Variants in PCDH9 observed in about 807,000 individuals in gnomAD.
PCDH9 encodes protocadherin 9.
In PCDH9, 24 loss-of-function variants were observed where a neutral mutation model predicts 70.6. The ratio of observed to expected loss-of-function variants is 0.34; its 90% CI spans 0.25 to 0.48. The LOEUF (loss-of-function observed/expected upper bound fraction) is 0.48. PCDH9 is among the 20% of genes least tolerant of loss of function. The pLI, the probability that PCDH9 is intolerant of heterozygous loss-of-function variation, is 0.99. For missense variants in PCDH9, 1,281 were observed against 1,503.6 expected, an observed-to-expected ratio of 0.85 and a Z score of 2.45; for synonymous variants, 562 against 558.5, an observed-to-expected ratio of 1.01 and a Z score of -0.09.
rs1251682298 is a variant in PCDH9 at position 67,171,940 on chromosome 13, T to C, written c.3036+53465A>G. ...GAGGTATCTGCCTTACATCGCCTGC[T>C]CTCAAAGATGTGAAAGTATTCAAAA... On this transcript the variant is annotated intron_variant, in intron 2 of 4. Transcript: ENST00000377865. Among the ~76,000 whole-genome samples, 6 of 152,176 alleles carry C rather than the reference T, an allele frequency of 3.9e-5. No individual in the cohort carries two copies. The East Asian group carries it at 7.7e-4, about 20-fold the overall frequency.
At chr13:66,633,428 T>C (rs140462426) in intron 3 of PCDH9, among the ~76,000 whole-genome samples, 1 of 152,318 alleles carries the variant, frequency 6.6e-6, no homozygotes, top group Admixed American at 6.5e-5. Context: ...TACTCTCTTA[T>C]ATATATTTAA....
intron 2 of PCDH9, among the ~76,000 whole-genome samples, chr13:66,945,674 T>G (rs1052558761): frequency 2.6e-5 from 4 of 152,168 alleles, no homozygotes; most frequent in African/African-American, 4.8e-5. Flanking sequence ...TATTGTTGTA[T>G]TTGGACTCTT....
intron 4 of PCDH9, among the ~76,000 whole-genome samples, chr13:66,381,701 T>A (rs914345248): frequency 1.3e-5 from 2 of 152,176 alleles, no homozygotes; most frequent in Admixed American, 6.5e-5. Flanking sequence ...TTAAACTAGG[T>A]CTTTTCAAAT....
At chr13:67,111,603 A>C (rs146088663) in intron 2 of PCDH9, among the ~76,000 whole-genome samples, 6 of 152,210 alleles carry the variant, frequency 3.9e-5, no homozygotes, top group Non-Finnish European at 7.3e-5. Context: ...CTTATTTTTA[A>C]TTAACCATTG....
intron 3 of PCDH9, among the ~76,000 whole-genome samples, chr13:66,704,172 T>C (rs952144564): frequency 6.6e-6 from 1 of 152,206 alleles, no homozygotes; most frequent in African/African-American, 2.4e-5. Flanking sequence ...ACATTGTGAA[T>C]AGATACGTAA....
At position 66,688,104 on chromosome 13, in the gene PCDH9, CA is replaced by C. The variant is rs564065863; in HGVS notation, c.3139-56694del. On this transcript the variant is annotated intron_variant, in intron 3 of 4. Transcript: ENST00000377865. ...CTTTTCTAACACTTCCTCTTCTATA[CA>C]CTATTTTCTTCATTTAATGTTTCTT... 3.3e-5 allele frequency among the ~76,000 whole-genome samples: 5 copies of C among 152,174 alleles called. No individual in the cohort carries two copies. In the South Asian group the frequency reaches 1.0e-3, roughly 32 times the overall value.
At chr13:66,603,225 G>C (rs5014486) in intron 4 of PCDH9, among the ~76,000 whole-genome samples, 2 of 116,288 alleles carry the variant, frequency 1.7e-5, no homozygotes, top group Non-Finnish European at 4.2e-5. Context: ...CTGACTATGC[G>C]TACACATTAA....
At chr13:66,766,073 A>T (rs2079712607) in intron 3 of PCDH9, among the ~76,000 whole-genome samples, 2 of 152,054 alleles carry the variant, frequency 1.3e-5, no homozygotes, top group Non-Finnish European at 2.9e-5. Flanking sequence ...AATTATTTTA[A>T]ATTATTCCAA....
intron 4 of PCDH9, among the ~76,000 whole-genome samples, chr13:66,461,281 G>C (rs1204682923): frequency 1.3e-5 from 2 of 151,630 alleles, no homozygotes; most frequent in Admixed American, 1.3e-4. Context: ...CATAGTTTCA[G>C]TTACATCAAA....
chr13:66,539,062 T>A (rs1960831509), intron 4 of PCDH9, among the ~76,000 whole-genome samples: 1 of 152,090 alleles, frequency 6.6e-6, no homozygotes, highest in Non-Finnish European at 1.5e-5. Context: ...AGCAAAAATG[T>A]ACAACAAAAT....
chr13:66,767,884 A>G (rs2079743917), intron 3 of PCDH9, among the ~76,000 whole-genome samples: 1 of 152,106 alleles, frequency 6.6e-6, no homozygotes, highest in Non-Finnish European at 1.5e-5. Flanking sequence ...GAAGAGCTGA[A>G]ACTGCAGAGA....
In PCDH9 at chr13:67,025,870, T is replaced by C. The variant is rs1345251935; in HGVS notation, c.3037-122265A>G. ...ATGAAGAAGGGCAAGTTAAAGCATA[T>C]TTATATATCATTTATGCATATAAAT... On this transcript the variant is annotated intron_variant, in intron 2 of 4. Transcript: ENST00000377865. Among the ~76,000 whole-genome samples, 7 of 152,296 alleles carry C rather than the reference T, an allele frequency of 4.6e-5. No homozygotes were observed. The East Asian group carries it at 1.2e-3, about 25-fold the overall frequency.
chr13:67,197,264 A>C (rs1045192228), intron 2 of PCDH9, among the ~76,000 whole-genome samples: 2 of 152,070 alleles, frequency 1.3e-5, no homozygotes, highest in African/African-American at 4.8e-5. Context: ...CAATGCATTC[A>C]TTCCTATGGC....
intron 4 of PCDH9, among the ~76,000 whole-genome samples, chr13:66,391,975 A>G (rs1397891537): frequency 6.6e-6 from 1 of 151,126 alleles, no homozygotes; most frequent in African/African-American, 2.4e-5. Flanking sequence ...TTAAATTTAA[A>G]TGGTAACTGC....
chr13:66,756,266 A>C lies in PCDH9; in HGVS notation c.3139-124855T>G, dbSNP rs1159012306. ...ACAAACATGTTAAAGAAATTCCAGC[A>C]TATCAGTACAATTAAAAATCAATCG... On this transcript the variant is annotated intron_variant, in intron 3 of 4. Coordinates refer to ENST00000377865, the MANE Select transcript of PCDH9 (RefSeq NM_203487.3). Among the ~76,000 whole-genome samples, 3 of 152,346 alleles carry C rather than the reference A, an allele frequency of 2.0e-5. No homozygotes were observed. In the East Asian group the frequency reaches 5.8e-4, roughly 29 times the overall value.
At chr13:66,820,758 A>T (rs1318073755) in intron 3 of PCDH9, among the ~76,000 whole-genome samples, 3 of 152,198 alleles carry the variant, frequency 2.0e-5, no homozygotes, top group Non-Finnish European at 4.4e-5. Flanking sequence ...ACAGAAAACT[A>T]AATACTTCAT....
At chr13:66,674,055 A>G (rs2078211742) in intron 3 of PCDH9, among the ~76,000 whole-genome samples, 1 of 152,232 alleles carries the variant, frequency 6.6e-6, no homozygotes, top group Non-Finnish European at 1.5e-5. Context: ...AAAATTTAAT[A>G]TTAATACATT....
At chr13:66,622,538 T>C (rs558946259) in intron 4 of PCDH9, among the ~76,000 whole-genome samples, 1 of 151,978 alleles carries the variant, frequency 6.6e-6, no homozygotes, top group Non-Finnish European at 1.5e-5. Flanking sequence ...TAGCTCAGGG[T>C]TTGTGAATGC....
At chr13:67,072,541 T>C (rs2085788094) in intron 2 of PCDH9, among the ~76,000 whole-genome samples, 1 of 152,136 alleles carries the variant, frequency 6.6e-6, no homozygotes, top group African/African-American at 2.4e-5. Context: ...TGCTTTTCTC[T>C]TGTTAATCTT....
Sources: gnomAD v4.1 joint callset for allele counts (sites outside exome capture counted in the v4.1 genomes callset) on GRCh38, gnomAD v4.1.1 for gene constraint, MANE v1.5 for transcripts, NCBI Gene and HGNC (gene_info 2026-07-23, HGNC 2026-07-21) for gene names.